Variants in XPA observed in about 807,000 individuals in gnomAD.
XPA encodes the protein XPA, DNA damage recognition and repair factor, also known as DNA repair protein complementing XP-A cells.
In XPA, 27 loss-of-function variants were observed where a neutral mutation model predicts 35.7. The observed-to-expected ratio is 0.76, with a 90% CI of 0.56 to 1.04. XPA has a LOEUF of 1.04. Ranked by LOEUF, XPA falls within the 50% of genes least tolerant of loss-of-function variation. The probability of loss-of-function intolerance (pLI) is 0.00; values close to 1 mark genes in which losing one functional copy is unlikely to be tolerated. For missense variants in XPA, 354 were observed against 342.7 expected (o/e 1.03, Z -0.26); for synonymous variants, 133 against 118.4 (o/e 1.12, Z -0.80).
rs199723190 is a variant in XPA at position 97,677,776 on chromosome 9, T to C, written c.674-2189A>G. Among the ~76,000 whole-genome samples, 10 of 151,980 alleles carry C rather than the reference T, an allele frequency of 6.6e-5. No individual in the cohort carries two copies. In the East Asian group the frequency reaches 1.9e-3, roughly 30 times the overall value. On this transcript the variant is annotated intron_variant, in intron 5 of 5. Transcript: ENST00000375128. ...TCTTTTTTTTTTACCCTTCTTTCCC[T>C]TTCTGAACAATCCAGTCCTATGGAG...
At chr9:97,664,556 T>C in the XPA span, 4 of 647,210 alleles carry the variant, frequency 6.2e-6, no homozygotes, top group Non-Finnish European at 1.1e-5. Flanking sequence ...AATATACTAA[T>C]GGTCCAATCT....
chr9:97,686,951 G>A, intron 4 of XPA, 145 bp downstream of exon 4: 1 of 741,306 alleles, frequency 1.3e-6, no homozygotes, highest in Non-Finnish European at 2.2e-6. Flanking sequence ...GTTATTAAAT[G>A]TCATTATACA....
At chr9:97,682,743 GT>G (rs1828585397) in intron 5 of XPA, among the ~76,000 whole-genome samples, 2 of 152,296 alleles carry the variant, frequency 1.3e-5, no homozygotes, top group South Asian at 4.1e-4. Context: ...ACAATTGACA[GT>G]AGCTTATCTG....
At chr9:97,689,702 A>G in intron 2 of XPA, 63 bp from the exon 3 acceptor site, 2 of 965,884 alleles carry the variant, frequency 2.1e-6, no homozygotes, top group Non-Finnish European at 3.2e-6. Flanking sequence ...ATTTTCCTCT[A>G]TTTTATTAGC....
intron 5 of XPA, 95 bp downstream of exon 5, chr9:97,684,828 A>G (rs1008468160): frequency 1.2e-5 from 13 of 1,095,758 alleles, no homozygotes; most frequent in African/African-American, 6.3e-5. Flanking sequence ...ACACATTCCA[A>G]TCTATTGGTG....
chr9:97,691,318 G>C lies in XPA; in HGVS notation c.284-1679C>G, dbSNP rs573196983. Among the ~76,000 whole-genome samples the C allele has an allele frequency of 1.6e-4, 24 of 152,278 alleles. No individual in the cohort carries two copies. The South Asian group carries it at 4.6e-3, about 29-fold the overall frequency. On this transcript the variant is annotated intron_variant, in intron 2 of 5. Transcript: ENST00000375128. ...CTCCCAGCACAGAAAAACCACTCTA[G>C]GTAAGGTAAAGCTAGATTATTTAAG...
At chr9:97,667,521 C>T in the XPA span, among the ~76,000 whole-genome samples, 2 of 152,242 alleles carry the variant, frequency 1.3e-5, no homozygotes. Context: ...AACACTCAGA[C>T]CTGAAATACT....
At chr9:97,680,707 C>CT (rs1828514251) in intron 5 of XPA, among the ~76,000 whole-genome samples, 1 of 152,134 alleles carries the variant, frequency 6.6e-6, no homozygotes, top group South Asian at 2.1e-4. Flanking sequence ...CATTTAACAA[C>CT]TTAAAACTTA....
At chr9:97,663,363 CAAAG>C in the XPA span, among the ~76,000 whole-genome samples, 2 of 152,024 alleles carry the variant, frequency 1.3e-5, no homozygotes, top group Non-Finnish European at 2.9e-5. Flanking sequence ...TTGTGTATGA[CAAAG>C]AAACATTTAA....
the XPA span, among the ~76,000 whole-genome samples, chr9:97,664,904 TG>T: frequency 6.6e-6 from 1 of 152,268 alleles, no homozygotes; most frequent in Admixed American, 6.5e-5. Context: ...ACCTGAGGGA[TG>T]GGGGAAAGGG....
At chr9:97,654,643 A>G in the XPA span, among the ~76,000 whole-genome samples, 1 of 152,132 alleles carries the variant, frequency 6.6e-6, no homozygotes, top group Non-Finnish European at 1.5e-5. Context: ...GCATGGGGAA[A>G]TTTGGGAGGT....
the XPA span, among the ~76,000 whole-genome samples, chr9:97,667,489 C>T: frequency 3.3e-5 from 5 of 152,114 alleles, no homozygotes; most frequent in Admixed American, 3.3e-4. Context: ...TGTAGACATA[C>T]CTGTATACAT....
chr9:97,689,705 T>G, intron 2 of XPA, 66 bp from the exon 3 acceptor site: 1 of 922,946 alleles, frequency 1.1e-6, no homozygotes, highest in Non-Finnish European at 1.7e-6. Flanking sequence ...TTCCTCTATT[T>G]TATTAGCTTA....
Position 97,693,727 on chromosome 9 carries a change from T to C in XPA, c.205A>G (p.Ile69Val), listed in dbSNP as rs1235353864. ...AAAATGAAGCCTCCTCCTGTGTCAA[T>C]TATCTTTGGGGCTGCTTTTACATTA... ...MANVKAAPKI[I>V]DTGGGFILEE... The change falls in exon 2 of 6, where the codon ATT (isoleucine) becomes GTT (valine). Residue 69 changes from isoleucine (I) to valine (V), a missense_variant. Ile to Val is a conservative substitution (Grantham distance 29, BLOSUM62 3). Coordinates refer to ENST00000375128, the MANE Select transcript of XPA (RefSeq NM_000380.4). The C allele has an allele frequency of 1.2e-6, 2 of 1,613,418 alleles. No individual in the cohort carries two copies. Among genetic ancestry groups the C allele is most frequent in the East Asian group, 4.5e-5 (2 of 44,810 alleles).
At chr9:97,655,209 G>A in the XPA span, among the ~76,000 whole-genome samples, 3 of 152,022 alleles carry the variant, frequency 2.0e-5, no homozygotes, top group Non-Finnish European at 4.4e-5. Flanking sequence ...TGTTTTATCT[G>A]CAATTTCTTT....
the XPA span, chr9:97,658,554 A>G: frequency 1.0e-6 from 1 of 996,772 alleles, no homozygotes; most frequent in Non-Finnish European, 1.6e-6. Context: ...AAGTTGTTGG[A>G]GATCATGACT....
At chr9:97,657,900 C>CGA in the XPA span, among the ~76,000 whole-genome samples, 1 of 70,964 alleles carries the variant, frequency 1.4e-5, no homozygotes, top group South Asian at 6.8e-4. Flanking sequence ...CTCTCTCTCT[C>CGA]TCTCTCTATA....
At chr9:97,654,653 T>C in the XPA span, among the ~76,000 whole-genome samples, 1 of 151,014 alleles carries the variant, frequency 6.6e-6, no homozygotes, top group Non-Finnish European at 1.5e-5. Flanking sequence ...ATTTGGGAGG[T>C]GATGAAAATA....
At chr9:97,671,510 A>G (rs1587732177), downstream of XPA, 2 of 261,972 alleles carry the variant, frequency 7.6e-6, no homozygotes, top group East Asian at 9.9e-5. Flanking sequence ...GTGAAACACT[A>G]GAGGTCAACC....
Sources: gnomAD v4.1 joint callset for allele counts (sites outside exome capture counted in the v4.1 genomes callset) on GRCh38, gnomAD v4.1.1 for gene constraint, MANE v1.5 for transcripts, NCBI Gene and HGNC (gene_info 2026-07-23, HGNC 2026-07-21) for gene names.